The following PTPRM variants were observed in gnomAD, a reference collection of about 807,000 sequenced individuals.
PTPRM encodes receptor-type tyrosine-protein phosphatase mu.
In PTPRM, 47 loss-of-function variants were observed where a neutral mutation model predicts 186.7. The ratio of observed to expected loss-of-function variants is 0.25; its 90% CI spans 0.20 to 0.32. The LOEUF (loss-of-function observed/expected upper bound fraction) is 0.32, where lower values mean the gene tolerates loss of function less well. Ranked by LOEUF, PTPRM falls within the 10% of genes least tolerant of loss-of-function variation. The pLI is 1.00. For missense variants in PTPRM, 1,494 were observed against 1,865.0 expected (o/e 0.80, Z 3.66); for synonymous variants, 668 against 674.9 (o/e 0.99, Z 0.16).
intron 7 of PTPRM, among the ~76,000 whole-genome samples, chr18:7,993,263 T>G (rs1030140254): frequency 1.7e-4 from 26 of 152,000 alleles, no homozygotes; most frequent in Admixed American, 3.9e-4. Flanking sequence ...TCAACTATTG[T>G]GAATGCCAGA....
intron 1 of PTPRM, among the ~76,000 whole-genome samples, chr18:7,591,613 T>C (rs1001688122): frequency 6.6e-6 from 1 of 152,154 alleles, no homozygotes; most frequent in African/African-American, 2.4e-5. Flanking sequence ...GGAAAATAAA[T>C]GATAATTAAC....
At chr18:8,209,021 G>A (rs993543402) in intron 14 of PTPRM, among the ~76,000 whole-genome samples, 2 of 152,166 alleles carry the variant, frequency 1.3e-5, no homozygotes, top group African/African-American at 4.8e-5. Context: ...GTGCTGGTGG[G>A]GAAGCCAGTG....
intron 20 of PTPRM, among the ~76,000 whole-genome samples, chr18:8,310,643 A>AT (rs1385720862): frequency 6.6e-6 from 1 of 152,010 alleles, no homozygotes; most frequent in Non-Finnish European, 1.5e-5. Context: ...GTCAGGACCC[A>AT]TGCCATTCAC....
chr18:7,582,783 A>G (rs1300232343), intron 1 of PTPRM, among the ~76,000 whole-genome samples: 1 of 152,216 alleles, frequency 6.6e-6, no homozygotes, highest in Non-Finnish European at 1.5e-5. Flanking sequence ...TCACTTCCTT[A>G]TCTGCAAATA....
At chr18:7,604,357 G>T (rs922611455) in intron 1 of PTPRM, among the ~76,000 whole-genome samples, 5 of 152,230 alleles carry the variant, frequency 3.3e-5, no homozygotes, top group Non-Finnish European at 7.3e-5. Flanking sequence ...CATAGCTGCT[G>T]CTCTGGTAAA....
At chr18:7,667,955 A>G (rs1260053888) in intron 1 of PTPRM, among the ~76,000 whole-genome samples, 1 of 151,216 alleles carries the variant, frequency 6.6e-6, no homozygotes, top group Admixed American at 6.6e-5. Context: ...TTTTTTCTTT[A>G]CATGCTCACA....
chr18:8,234,875 G>A (rs1367613127), intron 14 of PTPRM, among the ~76,000 whole-genome samples: 1 of 152,088 alleles, frequency 6.6e-6, no homozygotes, highest in Non-Finnish European at 1.5e-5. Context: ...CTGTCAATGT[G>A]ATGGATTGCA....
intron 2 of PTPRM, among the ~76,000 whole-genome samples, chr18:7,870,796 A>G (rs2047944761): frequency 6.6e-6 from 1 of 152,100 alleles, no homozygotes; most frequent in Non-Finnish European, 1.5e-5. Flanking sequence ...CTGGCTGTAG[A>G]CTCTATGGAA....
At position 7,859,112 on chromosome 18, in the gene PTPRM, T is replaced by C. The variant is rs1201681307; in HGVS notation, c.197-28994T>C. On this transcript the variant is annotated intron_variant, in intron 2 of 32. Transcript: ENST00000580170. Reference sequence around the variant, plus strand: ...ACTTATAACCTAATTTCTACTGATATTCCCAGTTTTGTGTAAACGTCTACA... The same window carrying C: ...ACTTATAACCTAATTTCTACTGATACTCCCAGTTTTGTGTAAACGTCTACA... Among the ~76,000 whole-genome samples the C allele has an allele frequency of 2.6e-5, 4 of 152,332 alleles. No homozygotes were observed. The East Asian group carries it at 7.7e-4, about 29-fold the overall frequency.
intron 2 of PTPRM, among the ~76,000 whole-genome samples, chr18:7,779,615 T>A (rs2042759184): frequency 6.6e-6 from 1 of 152,198 alleles, no homozygotes; most frequent in Non-Finnish European, 1.5e-5. Flanking sequence ...AAGGAAGACT[T>A]CCCTATTTAT....
intron 7 of PTPRM, among the ~76,000 whole-genome samples, chr18:8,000,323 TTAGA>T (rs2083795445): frequency 1.3e-5 from 2 of 152,238 alleles, no homozygotes; most frequent in African/African-American, 2.4e-5. Flanking sequence ...AAGTCCATAG[TTAGA>T]TAAACTGTCA....
In PTPRM at chr18:8,380,411, A is replaced by G. The variant is rs1261015545; in HGVS notation, c.3902A>G (p.Asp1301Gly). ...TGCACATCCGTAGTTATGCTAAATG[A>G]TGTGGATCCTGCCCAGGTGAGACCC... ...YHCTSVVMLN[D>G]VDPAQLCPQY... Residue 1301 changes from aspartate (D) to glycine (G), a missense_variant, in exon 29 of 33, where the codon GAT becomes GGT. Asp to Gly is a moderately conservative substitution (Grantham distance 94). This residue lies in a region of PTPRM where 1,107 missense variants were observed against 1,350.2 expected (regional missense o/e 0.82). Transcript: ENST00000580170. 5.6e-6 allele frequency: 9 copies of G among 1,614,080 alleles called. No individual in the cohort carries two copies. Among genetic ancestry groups the G allele is most frequent in the Non-Finnish European group, 7.6e-6 (9 of 1,180,052 alleles).
chr18:8,205,221 A>T (rs1390644566), intron 14 of PTPRM, among the ~76,000 whole-genome samples: 1 of 152,216 alleles, frequency 6.6e-6, no homozygotes, highest in Admixed American at 6.5e-5. Context: ...ATGCAAAGAA[A>T]CAGTCATTTC....
intron 2 of PTPRM, among the ~76,000 whole-genome samples, chr18:7,817,316 A>G (rs1414518318): frequency 6.6e-6 from 1 of 152,178 alleles, no homozygotes; most frequent in Non-Finnish European, 1.5e-5. Flanking sequence ...ATAATGATAT[A>G]TTGCTATAAC....
intron 2 of PTPRM, among the ~76,000 whole-genome samples, chr18:7,851,151 A>G (rs1028779562): frequency 1.3e-5 from 2 of 152,198 alleles, no homozygotes; most frequent in African/African-American, 4.8e-5. Context: ...TACAGAAAAA[A>G]GTATTTAACT....
intron 31 of PTPRM, among the ~76,000 whole-genome samples, chr18:8,388,311 A>G (rs573313816): frequency 5.9e-5 from 9 of 152,202 alleles, no homozygotes; most frequent in Non-Finnish European, 1.2e-4. Context: ...TCTTAAATTG[A>G]AGGCAAAATA....
intron 1 of PTPRM, among the ~76,000 whole-genome samples, chr18:7,706,991 G>C (rs2040108692): frequency 6.6e-6 from 1 of 152,144 alleles, no homozygotes; most frequent in Admixed American, 6.6e-5. Context: ...GTGTGGACAT[G>C]AAACAAATAC....
At chr18:7,621,413 A>C (rs983422486) in intron 1 of PTPRM, among the ~76,000 whole-genome samples, 1 of 151,608 alleles carries the variant, frequency 6.6e-6, no homozygotes, top group African/African-American at 2.4e-5. Flanking sequence ...CCCCATTATC[A>C]ACAGCTCCCA....
At chr18:7,829,529 A>G (rs2045656147) in intron 2 of PTPRM, among the ~76,000 whole-genome samples, 1 of 152,228 alleles carries the variant, frequency 6.6e-6, no homozygotes, top group African/African-American at 2.4e-5. Flanking sequence ...CAAACAAAAC[A>G]TAAGTTTGTG....
Sources: gnomAD v4.1 joint callset for allele counts (sites outside exome capture counted in the v4.1 genomes callset) on GRCh38, gnomAD v4.1.1 for gene constraint, gnomAD v4.1.1 regional missense constraint, MANE v1.5 for transcripts, NCBI Gene and HGNC (gene_info 2026-07-23, HGNC 2026-07-21) for gene names.